The following MACROD2 variants were observed in gnomAD, a reference collection of about 807,000 sequenced individuals.
MACROD2 encodes ADP-ribose glycohydrolase MACROD2.
In MACROD2, 36 loss-of-function variants were observed where a neutral mutation model predicts 70.4. The ratio of observed to expected loss-of-function variants is 0.51; its 90% CI spans 0.39 to 0.68. The LOEUF (loss-of-function observed/expected upper bound fraction) is 0.68. Ranked by LOEUF, MACROD2 falls within the 30% of genes least tolerant of loss-of-function variation. MACROD2 has a pLI of 0.00. For synonymous variants in MACROD2, 172 were observed against 178.8 expected (o/e 0.96, Z 0.30); for missense variants, 496 against 538.4 (o/e 0.92, Z 0.78).
chr20:14,458,350 G>T (rs1040072581), intron 3 of MACROD2, among the ~76,000 whole-genome samples: 4 of 152,162 alleles, frequency 2.6e-5, no homozygotes, highest in Non-Finnish European at 5.9e-5. Context: ...TAAAAATTAT[G>T]GATCATTAGA....
intron 2 of MACROD2, among the ~76,000 whole-genome samples, chr20:14,066,924 G>T (rs1023743206): frequency 2.1e-5 from 3 of 145,560 alleles, no homozygotes; most frequent in African/African-American, 7.6e-5. Context: ...CCATTCTCCT[G>T]CCTCAGCCTC....
intron 5 of MACROD2, among the ~76,000 whole-genome samples, chr20:15,044,273 G>A (rs1017524060): frequency 1.3e-5 from 2 of 152,128 alleles, no homozygotes; most frequent in African/African-American, 4.8e-5. Context: ...AACCAAAGAG[G>A]TTCTTCTTAC....
intron 5 of MACROD2, among the ~76,000 whole-genome samples, chr20:14,779,173 G>A (rs955523904): frequency 6.6e-6 from 1 of 152,080 alleles, no homozygotes. Flanking sequence ...TCCAAGCTCA[G>A]AGTGTACATA....
rs386393390 is a variant in MACROD2, at chr20:15,050,533, C to CTTTTTTTTT, written c.419-179389_419-179381dup. On this transcript the variant is annotated intron_variant, in intron 5 of 17. Coordinates refer to ENST00000684519, the MANE Select transcript of MACROD2 (RefSeq NM_001351661.2). ...GTCTTTTTACACTTTCTATTTAGGTCTTTTTTTTTTTTTTTTTTTTTTTTT... is the reference window on the plus strand; with the variant it reads ...GTCTTTTTACACTTTCTATTTAGGTCTTTTTTTTTTTTTTTTTTTTTTTTTTTTTTTTTT... 7.1e-4 allele frequency among the ~76,000 whole-genome samples: 55 copies of CTTTTTTTTT among 77,898 alleles called. 11 individuals carry two copies. The highest frequency in any genetic ancestry group is 3.0e-3 in the African/African-American group (48 of 16,046). The allele number at this position is 77,898 out of a possible 152,430, so 51.1% of individuals were successfully genotyped here.
intron 5 of MACROD2, among the ~76,000 whole-genome samples, chr20:14,908,659 C>A (rs1235997999): frequency 6.6e-6 from 1 of 150,790 alleles, no homozygotes; most frequent in Non-Finnish European, 1.5e-5. Context: ...CAGACTCTGT[C>A]TGCCAGAAAA....
At chr20:14,846,140 A>T (rs931465469) in intron 5 of MACROD2, among the ~76,000 whole-genome samples, 4 of 152,318 alleles carry the variant, frequency 2.6e-5, no homozygotes, top group African/African-American at 9.6e-5. Context: ...AGTCAAGAAT[A>T]TAACATGATA....
chr20:15,472,962 A>G (rs770961829), intron 7 of MACROD2, among the ~76,000 whole-genome samples: 4 of 152,262 alleles, frequency 2.6e-5, no homozygotes, highest in Non-Finnish European at 5.9e-5. Flanking sequence ...CTAATCTGGT[A>G]AGAATCTTTC....
intron 3 of MACROD2, among the ~76,000 whole-genome samples, chr20:14,350,656 A>G (rs1314875056): frequency 6.6e-6 from 1 of 152,100 alleles, no homozygotes; most frequent in Non-Finnish European, 1.5e-5. Flanking sequence ...TCTGGTTATT[A>G]ATCCCTTGTC....
At chr20:15,515,553 T>G (rs2047555942) in intron 8 of MACROD2, among the ~76,000 whole-genome samples, 1 of 152,364 alleles carries the variant, frequency 6.6e-6, no homozygotes, top group South Asian at 2.1e-4. Flanking sequence ...GCTTTCCCAC[T>G]GACTCAAGGA....
chr20:15,831,281 G>T (rs1388632734), intron 8 of MACROD2, among the ~76,000 whole-genome samples: 2 of 152,306 alleles, frequency 1.3e-5, no homozygotes, highest in East Asian at 3.9e-4. Flanking sequence ...ATCAAGGAAG[G>T]TCAGTCCTGA....
intron 5 of MACROD2, among the ~76,000 whole-genome samples, chr20:14,723,969 G>A (rs1183551388): frequency 6.6e-6 from 1 of 151,760 alleles, no homozygotes; most frequent in African/African-American, 2.4e-5. Context: ...TACACTGTTG[G>A]GTATCTCTTA....
chr20:15,223,022 C>T (rs2076874948), intron 5 of MACROD2, among the ~76,000 whole-genome samples: 1 of 152,160 alleles, frequency 6.6e-6, no homozygotes, highest in Non-Finnish European at 1.5e-5. Flanking sequence ...CTCTATAATT[C>T]AGACTAATTT....
chr20:14,003,514 C>T (rs1341216395), intron 2 of MACROD2: 2 of 274,744 alleles, frequency 7.3e-6, no homozygotes, highest in African/African-American at 4.5e-5. Flanking sequence ...CCAGTGTCTT[C>T]TGTAAATGCA....
intron 3 of MACROD2, among the ~76,000 whole-genome samples, chr20:14,477,799 A>C (rs545546403): frequency 9.2e-5 from 14 of 152,312 alleles, no homozygotes; most frequent in African/African-American, 3.1e-4. Context: ...TTTGTAAATG[A>C]AGGTTCAAAC....
At chr20:15,670,621 G>A (rs1478012010) in intron 8 of MACROD2, among the ~76,000 whole-genome samples, 1 of 152,126 alleles carries the variant, frequency 6.6e-6, no homozygotes, top group Admixed American at 6.5e-5. Flanking sequence ...AGCTTCCAGA[G>A]ACAAATGTTA....
chr20:15,857,089 A>G (rs1009544927), intron 8 of MACROD2, among the ~76,000 whole-genome samples: 2 of 152,304 alleles, frequency 1.3e-5, no homozygotes, highest in African/African-American at 4.8e-5. Flanking sequence ...CTTGAATGAT[A>G]TGGGTTAATG....
chr20:15,204,470 G>A (rs1446269182), intron 5 of MACROD2, among the ~76,000 whole-genome samples: 1 of 152,148 alleles, frequency 6.6e-6, no homozygotes, highest in East Asian at 1.9e-4. Flanking sequence ...ATTGTAATGT[G>A]CTCATAAAGA....
chr20:14,795,127 G>A (rs1195554729), intron 5 of MACROD2, among the ~76,000 whole-genome samples: 1 of 152,106 alleles, frequency 6.6e-6, no homozygotes, highest in Non-Finnish European at 1.5e-5. Flanking sequence ...TGAAGGGATT[G>A]GAGGGGCCAG....
In MACROD2 at chr20:14,446,678, A is replaced by G. The variant is rs561814236; in HGVS notation, c.272-46801A>G. Among the ~76,000 whole-genome samples, 5 of 152,200 alleles carry G rather than the reference A, an allele frequency of 3.3e-5. No homozygotes were observed. In the East Asian group the frequency reaches 9.6e-4, roughly 29 times the overall value. ...CAACTTGAGGCTAAAGGGTGAAGGA[A>G]TGGAGCCCTGTTTGTGTAAGAATTC... On this transcript the variant is annotated intron_variant, in intron 3 of 17. Coordinates refer to ENST00000684519, the MANE Select transcript of MACROD2 (RefSeq NM_001351661.2).
Sources: allele counts gnomAD v4.1 joint callset (sites outside exome capture counted in the v4.1 genomes callset), GRCh38; gene constraint gnomAD v4.1.1; transcripts MANE v1.5; gene names NCBI Gene and HGNC (gene_info 2026-07-23, HGNC 2026-07-21).